The following SPAG9 variants were observed in gnomAD, a reference collection of about 807,000 sequenced individuals.
The protein encoded by SPAG9 is sperm associated antigen 9, also known as C-Jun-amino-terminal kinase-interacting protein 4.
Under a neutral mutation model 166.5 loss-of-function variants are expected in SPAG9, and 35 were observed. The observed-to-expected ratio is 0.21, with a 90% CI of 0.16 to 0.28. SPAG9 has a LOEUF of 0.28. SPAG9 is among the 10% of genes least tolerant of loss of function. The pLI, the probability that SPAG9 is intolerant of heterozygous loss-of-function variation, is 1.00. For missense variants in SPAG9, 1,235 were observed against 1,603.3 expected (o/e 0.77, Z 3.92); for synonymous variants, 534 against 565.5 (o/e 0.94, Z 0.79).
At chr17:51,036,329 G>A (rs1367086178) in intron 5 of SPAG9, among the ~76,000 whole-genome samples, 1 of 151,004 alleles carries the variant, frequency 6.6e-6, no homozygotes, top group Admixed American at 6.6e-5. Flanking sequence ...AACTTAAACT[G>A]CTCAAATCTA....
chr17:51,061,646 G>A (rs2047522159), intron 2 of SPAG9, among the ~76,000 whole-genome samples: 1 of 146,172 alleles, frequency 6.8e-6, no homozygotes, highest in Non-Finnish European at 1.5e-5. Flanking sequence ...AAGGCTTGTG[G>A]GAAGGAGACA....
chr17:50,970,597 C>G, intron 29 of SPAG9, 110 bp downstream of exon 29: 1 of 883,292 alleles, frequency 1.1e-6, no homozygotes, highest in Non-Finnish European at 1.7e-6. Context: ...GTAAAGAGCT[C>G]AAAGAGAACC....
intron 1 of SPAG9, among the ~76,000 whole-genome samples, chr17:51,113,204 T>C (rs2049172749): frequency 6.8e-6 from 1 of 147,992 alleles, no homozygotes; most frequent in Non-Finnish European, 1.5e-5. Flanking sequence ...AAATACAAAA[T>C]TAGCTGGCCA....
chr17:51,017,442 C>T (rs1455937578), intron 8 of SPAG9, among the ~76,000 whole-genome samples: 1 of 151,616 alleles, frequency 6.6e-6, no homozygotes, highest in Admixed American at 6.6e-5. Context: ...TATGCTCTGT[C>T]AAAACAAAGG....
intron 2 of SPAG9, among the ~76,000 whole-genome samples, chr17:51,074,746 A>T (rs572084259): frequency 2.6e-5 from 4 of 152,306 alleles, no homozygotes; most frequent in African/African-American, 9.6e-5. Context: ...GGAAAACATA[A>T]TTAATGCTTT....
At chr17:50,966,412 G>A in intron 29 of SPAG9, 25 bp from the exon 30 acceptor site, 1 of 1,369,552 alleles carries the variant, frequency 7.3e-7, no homozygotes, top group South Asian at 1.2e-5. Flanking sequence ...GAAGACTCAA[G>A]TTAGGCTGAA....
intron 2 of SPAG9, among the ~76,000 whole-genome samples, chr17:51,075,003 C>G (rs954435681): frequency 1.3e-5 from 2 of 151,536 alleles, no homozygotes; most frequent in Non-Finnish European, 2.9e-5. Flanking sequence ...TCAAGACCAG[C>G]CTGGCCAACA....
rs1193577311 is a variant in SPAG9, at chr17:50,964,582, C to A, written c.*1690G>T. 48 of 213,580 alleles carry A rather than the reference C, an allele frequency of 2.2e-4. No individual in the cohort carries two copies. Among genetic ancestry groups the A allele is most frequent in the Non-Finnish European group, 3.3e-4 (38 of 113,878 alleles). 13.2% of individuals were successfully genotyped at this position (213,580 alleles called of 1,614,324 possible). ...CAGCCTGGGCAACAGAGCCAGACTCCGTCTCAAAAAAAAAAAAAAAAATCA... is the reference window on the plus strand; with the variant it reads ...CAGCCTGGGCAACAGAGCCAGACTCAGTCTCAAAAAAAAAAAAAAAAATCA... On this transcript the variant is annotated 3_prime_UTR_variant, in exon 30 of 30. Coordinates refer to ENST00000262013, the MANE Select transcript of SPAG9 (RefSeq NM_001130528.3).
chr17:51,075,952 G>A (rs1446491464), intron 2 of SPAG9, among the ~76,000 whole-genome samples: 1 of 151,834 alleles, frequency 6.6e-6, no homozygotes, highest in African/African-American at 2.4e-5. Flanking sequence ...AAAATTAGCT[G>A]GGGGTGATGG....
chr17:50,999,445 T>C, intron 14 of SPAG9: 3 of 1,482,000 alleles, frequency 2.0e-6, no homozygotes, highest in Admixed American at 2.6e-5. Context: ...GCTTACGATA[T>C]CATATTTTTT....
Position 51,063,898 on chromosome 17 carries a change from ATAAGTAAG to A in SPAG9, c.425-7424_425-7417del, listed in dbSNP as rs549400277. On this transcript the variant is annotated intron_variant, in intron 2 of 29. Coordinates refer to ENST00000262013, the MANE Select transcript of SPAG9 (RefSeq NM_001130528.3). The stretch of plus-strand genomic sequence containing the variant: ...CTCCATCTCAAAAATAAATAAATAA[ATAAGTAAG>A]TAAGTAAGTAAGTAAAAAATAATAA... Among the ~76,000 whole-genome samples the A allele has an allele frequency of 5.2e-4, 79 of 152,262 alleles. No individual in the cohort carries two copies. The East Asian group carries it at 9.6e-3, about 19-fold the overall frequency.
At chr17:50,993,250 A>T (rs1412867756) in intron 19 of SPAG9, among the ~76,000 whole-genome samples, 2 of 143,284 alleles carry the variant, frequency 1.4e-5, no homozygotes. Context: ...TGGAAGGTGG[A>T]GGTTGCAGTG....
At chr17:50,990,091 G>C in intron 20 of SPAG9, 1 of 570,974 alleles carries the variant, frequency 1.8e-6, no homozygotes, top group East Asian at 3.0e-5. Context: ...GCGGCGGCGT[G>C]ATCTTGGCTC....
rs1197907313 is a variant in SPAG9 at position 51,120,850 on chromosome 17, C to T, written c.-194G>A. On this transcript the variant is annotated 5_prime_UTR_variant, in exon 1 of 30. Coordinates refer to ENST00000262013, the MANE Select transcript of SPAG9 (RefSeq NM_001130528.3). This position sits in a 1 kb window ranked among gnomAD's most constrained non-coding sequence, Gnocchi z 4.7. ...GTGGCGTAGGCGCTCTCACCCCAAC[C>T]GCCGCTGCACCAACTGCCGGGGCGG... The T allele has an allele frequency of 1.5e-5, 5 of 332,754 alleles. No homozygotes were observed. Among genetic ancestry groups the T allele is most frequent in the Non-Finnish European group, 2.1e-5 (4 of 186,330 alleles). 20.6% of individuals were successfully genotyped at this position (332,754 alleles called of 1,614,324 possible).
At chr17:50,991,774 C>T (rs1383406676) in intron 19 of SPAG9, among the ~76,000 whole-genome samples, 2 of 151,850 alleles carry the variant, frequency 1.3e-5, no homozygotes, top group African/African-American at 4.8e-5. Flanking sequence ...CAAGCGCCTG[C>T]CACTGCACCT....
At chr17:51,013,899 CAT>C (rs945632814) in intron 9 of SPAG9, among the ~76,000 whole-genome samples, 62 of 14,622 alleles carry the variant, frequency 4.2e-3, no homozygotes, top group Admixed American at 0.013. Flanking sequence ...CACACATACA[CAT>C]ACACACACAC....
At chr17:51,006,288 T>C in intron 10 of SPAG9, 51 bp from the exon 11 acceptor site, 1 of 1,561,526 alleles carries the variant, frequency 6.4e-7, no homozygotes, top group Admixed American at 1.7e-5. Flanking sequence ...ATTCTTTCCA[T>C]CTTTCAGCTA....
At position 50,965,732 on chromosome 17, in the gene SPAG9, T is replaced by G. The variant is rs1210262022; in HGVS notation, c.*540A>C. ...AGTTTTATATACCATATAAACAAGA[T>G]TTGTCAGATTTGAAAGTGAAAGTTA... On this transcript the variant is annotated 3_prime_UTR_variant, in exon 30 of 30. Coordinates refer to ENST00000262013, the MANE Select transcript of SPAG9 (RefSeq NM_001130528.3). The G allele has an allele frequency of 6.5e-6, 1 of 152,896 alleles. No individual in the cohort carries two copies. The highest frequency in any genetic ancestry group is 1.9e-4 in the East Asian group (1 of 5,232). The allele number at this position is 152,896 out of a possible 1,614,324, so 9.5% of individuals were successfully genotyped here. A position where few individuals can be genotyped will look rare whatever the true frequency, so the allele number is the denominator to read the frequency against.
chr17:51,113,208 C>G (rs1249893736), intron 1 of SPAG9, among the ~76,000 whole-genome samples: 1 of 151,210 alleles, frequency 6.6e-6, no homozygotes, highest in East Asian at 1.9e-4. Context: ...ACAAAATTAG[C>G]TGGCCATGGT....
Sources: gnomAD v4.1 joint callset for allele counts (sites outside exome capture counted in the v4.1 genomes callset) on GRCh38, gnomAD v4.1.1 for gene constraint, Gnocchi (gnomAD v3.1) non-coding constraint, MANE v1.5 for transcripts, NCBI Gene and HGNC (gene_info 2026-07-23, HGNC 2026-07-21) for gene names.